DPY19L2: variants seen among roughly 807,000 people sequenced by gnomAD.
DPY19L2 encodes dpy-19 like 2.
In DPY19L2, 34 loss-of-function variants were observed where a neutral mutation model predicts 97.9. The observed-to-expected ratio is 0.35, with a 90% confidence interval of 0.26 to 0.46. The LOEUF (loss-of-function observed/expected upper bound fraction) is 0.46. Ranked by LOEUF, DPY19L2 falls within the 20% of genes least tolerant of loss-of-function variation. The pLI is 1.00. For missense variants in DPY19L2, 623 were observed against 911.4 expected (o/e 0.68, Z 4.07); for synonymous variants, 230 against 307.9 (o/e 0.75, Z 2.65).
chr12:63,642,579 C>T (rs933175801), intron 6 of DPY19L2, among the ~76,000 whole-genome samples: 15 of 152,110 alleles, frequency 9.9e-5, no homozygotes, highest in Non-Finnish European at 1.9e-4. Flanking sequence ...ACTCACCAAT[C>T]TGCGATACCC....
At chr12:63,638,706 A>T (rs1892174315) in intron 6 of DPY19L2, among the ~76,000 whole-genome samples, 1 of 152,172 alleles carries the variant, frequency 6.6e-6, no homozygotes, top group Non-Finnish European at 1.5e-5. Context: ...ATCAAAGAGG[A>T]CACAAACAAA....
intron 11 of DPY19L2, among the ~76,000 whole-genome samples, chr12:63,609,445 G>T (rs1886599468): frequency 1.3e-5 from 2 of 151,996 alleles, no homozygotes; most frequent in Admixed American, 6.6e-5. Flanking sequence ...GAGTCATGAG[G>T]GTGAAACCCT....
chr12:63,578,382 G>A (rs1279217870), intron 19 of DPY19L2, among the ~76,000 whole-genome samples: 2 of 152,068 alleles, frequency 1.3e-5, no homozygotes, highest in East Asian at 1.9e-4. Context: ...TGGATAAGAT[G>A]TAGTGTTTGG....
intron 6 of DPY19L2, among the ~76,000 whole-genome samples, chr12:63,639,774 A>C (rs981163108): frequency 1.3e-5 from 2 of 152,186 alleles, no homozygotes; most frequent in Non-Finnish European, 2.9e-5. Flanking sequence ...TAGTTCAACC[A>C]CTGTGGAAGA....
Position 63,637,117 on chromosome 12 carries a change from C to T in DPY19L2, c.803+7286G>A, listed in dbSNP as rs145968197. On this transcript the variant is annotated intron_variant, in intron 6 of 21. Coordinates refer to ENST00000324472, the MANE Select transcript of DPY19L2 (RefSeq NM_173812.5). ...ATCATAGGGCAATCAAACTAGAACT[C>T]AGGATTAAGAAACTCACTCAAAACC... 5.4e-3 allele frequency among the ~76,000 whole-genome samples: 817 copies of T among 152,226 alleles called. 9 individuals carry two copies. The highest frequency in any genetic ancestry group is 0.018 in the South Asian group (87 of 4,814).
At chr12:63,618,930 T>C (rs1283863257) in intron 9 of DPY19L2, among the ~76,000 whole-genome samples, 1 of 152,182 alleles carries the variant, frequency 6.6e-6, no homozygotes, top group African/African-American at 2.4e-5. Context: ...AAAGGCCAGA[T>C]AATAAATATG....
intron 11 of DPY19L2, among the ~76,000 whole-genome samples, chr12:63,612,625 GA>G (rs1436097374): frequency 7.7e-5 from 11 of 143,408 alleles, no homozygotes; most frequent in African/African-American, 2.8e-4. Context: ...AAAGGACTAG[GA>G]AAAAAGGAGA....
intron 6 of DPY19L2, among the ~76,000 whole-genome samples, chr12:63,635,859 A>G (rs1891588105): frequency 6.6e-6 from 1 of 152,214 alleles, no homozygotes; most frequent in Admixed American, 6.5e-5. Context: ...ACTCTTGAAG[A>G]TATTATCCAG....
intron 9 of DPY19L2, among the ~76,000 whole-genome samples, chr12:63,618,588 C>T (rs1320768170): frequency 2.6e-5 from 4 of 152,040 alleles, no homozygotes; most frequent in Admixed American, 2.0e-4. Flanking sequence ...GGAAGACCAA[C>T]AAGCTGAGCA....
intron 6 of DPY19L2, among the ~76,000 whole-genome samples, chr12:63,632,720 A>G (rs1890922854): frequency 6.6e-6 from 1 of 152,164 alleles, no homozygotes; most frequent in South Asian, 2.1e-4. Flanking sequence ...ACTACTTAAA[A>G]GTTCATATGG....
chr12:63,665,619 T>C (rs1189889979), intron 2 of DPY19L2, among the ~76,000 whole-genome samples: 4 of 152,180 alleles, frequency 2.6e-5, no homozygotes, highest in African/African-American at 9.7e-5. Flanking sequence ...AGCAAAAATA[T>C]TTTAATTCAT....
intron 21 of DPY19L2, among the ~76,000 whole-genome samples, chr12:63,562,199 GC>G (rs1445651070): frequency 6.6e-6 from 1 of 152,046 alleles, no homozygotes; most frequent in African/African-American, 2.4e-5. Context: ...TTGTAAAACA[GC>G]AGCCACAATA....
At position 63,668,320 on chromosome 12, in the gene DPY19L2, G is replaced by A; in HGVS notation, c.74C>T (p.Ala25Val). The change falls in exon 1 of 22, where the codon GCC becomes GTC. Residue 25 changes from alanine (A) to valine (V), a missense_variant. Physicochemically the swap from Ala to Val is moderately conservative, Grantham distance 64. Coordinates refer to ENST00000324472, the MANE Select transcript of DPY19L2 (RefSeq NM_173812.5). ...GRSQSKGRRG[A>V]SLAREPEVEE... ...TACCTCCGGCTCCCGGGCGAGGGAG[G>A]CCCCGCGCCGCCCCTTAGACTGGCT... 6.2e-7 allele frequency: 1 copy of A among 1,613,832 alleles called. No homozygotes were observed. The highest frequency in any genetic ancestry group is 8.5e-7 in the Non-Finnish European group (1 of 1,179,916).
At chr12:63,628,545 G>A (rs1442896719) in intron 6 of DPY19L2, among the ~76,000 whole-genome samples, 1 of 152,150 alleles carries the variant, frequency 6.6e-6, no homozygotes, top group African/African-American at 2.4e-5. Context: ...GCCAAGGCTT[G>A]AGTAGGTAAA....
At chr12:63,588,807 G>A (rs1882293420) in intron 16 of DPY19L2, among the ~76,000 whole-genome samples, 1 of 145,894 alleles carries the variant, frequency 6.9e-6, no homozygotes, top group South Asian at 2.2e-4. Context: ...AGGCTGGAGT[G>A]CGGTGGCGCG....
chr12:63,600,468 G>C (rs1884952100), intron 12 of DPY19L2, 82 bp from the exon 13 acceptor site: 1 of 1,207,580 alleles, frequency 8.3e-7, no homozygotes, highest in Non-Finnish European at 1.2e-6. Flanking sequence ...AAATGACATA[G>C]AAAAAATTTA....
At chr12:63,639,106 G>T (rs570041171) in intron 6 of DPY19L2, among the ~76,000 whole-genome samples, 1 of 152,120 alleles carries the variant, frequency 6.6e-6, no homozygotes, top group East Asian at 1.9e-4. Flanking sequence ...AATGCGGAAA[G>T]GATTCCCTAT....
At chr12:63,627,521 T>C (rs1889774957) in intron 6 of DPY19L2, among the ~76,000 whole-genome samples, 1 of 152,114 alleles carries the variant, frequency 6.6e-6, no homozygotes, top group South Asian at 2.1e-4. Context: ...TGGCGATTTT[T>C]GTATTTTTAG....
chr12:63,620,054 C>G (rs1888442403), intron 9 of DPY19L2: 1 of 433,706 alleles, frequency 2.3e-6, no homozygotes, highest in Non-Finnish European at 4.5e-6. Flanking sequence ...CAGCATGAGA[C>G]TTCTTGGCAG....
Sources: gnomAD v4.1 joint callset for allele counts (sites outside exome capture counted in the v4.1 genomes callset) on GRCh38, gnomAD v4.1.1 for gene constraint, MANE v1.5 for transcripts, NCBI Gene and HGNC (gene_info 2026-07-23, HGNC 2026-07-21) for gene names.